The following C1orf74 variants were observed in gnomAD, a reference collection of about 807,000 sequenced individuals.
C1orf74 encodes the protein UPF0739 protein C1orf74.
A neutral mutation model predicts 7.3 loss-of-function variants in C1orf74; 5 were observed. The ratio of observed to expected loss-of-function variants is 0.68; its 90% confidence interval spans 0.36 to 1.44. The LOEUF (loss-of-function observed/expected upper bound fraction) is 1.44. C1orf74 is among the 40% of genes most tolerant of loss of function. C1orf74 has a pLI of 0.04. For missense variants in C1orf74, 291 were observed against 314.3 expected, an observed-to-expected ratio of 0.93 and a Z score of 0.56; for synonymous variants, 121 against 132.5, an observed-to-expected ratio of 0.91 and a Z score of 0.59.
Position 209,780,625 on chromosome 1 carries a change from A to G in C1orf74, c.*2200T>C. On this transcript the variant is annotated 3_prime_UTR_variant, in exon 2 of 2. Transcript: ENST00000294811. The stretch of plus-strand genomic sequence containing the variant: ...AAAGGAGGTGAGAGGGTGACCTGAG[A>G]TAGTGAGGGCTCATTTGCGAAATAG... 1 of 1,542,772 alleles carries G rather than the reference A, an allele frequency of 6.5e-7. No individual in the cohort carries two copies. Among genetic ancestry groups the G allele is most frequent in the Admixed American group, 1.9e-5 (1 of 51,720 alleles).
chr1:209,781,692 TAA>T lies in C1orf74; in HGVS notation c.*1131_*1132del. 2.0e-6 allele frequency: 1 copy of T among 499,258 alleles called. No individual in the cohort carries two copies. The highest frequency in any genetic ancestry group is 3.6e-6 in the Non-Finnish European group (1 of 277,322). The allele number at this position is 499,258 out of a possible 1,614,324, so 30.9% of individuals were successfully genotyped here. ...CCAGAAGGAAAGACTTACTCTTAGC[TAA>T]AGTATGAAAGGGTGTTCTTTTAGCC... On this transcript the variant is annotated 3_prime_UTR_variant, in exon 2 of 2. Transcript: ENST00000294811.
At position 209,781,719 on chromosome 1, in the gene C1orf74, C is replaced by T. The variant is rs1027712140; in HGVS notation, c.*1106G>A. ...AAGTATGAAAGGGTGTTCTTTTAGCCGATGATAAGCATGGTGGCAAGAACA... is the reference window on the plus strand; with the variant it reads ...AAGTATGAAAGGGTGTTCTTTTAGCTGATGATAAGCATGGTGGCAAGAACA... On this transcript the variant is annotated 3_prime_UTR_variant, in exon 2 of 2. Coordinates refer to ENST00000294811, the MANE Select transcript of C1orf74 (RefSeq NM_152485.4). 10 of 474,564 alleles carry T rather than the reference C, an allele frequency of 2.1e-5. No homozygotes were observed. Among genetic ancestry groups the T allele is most frequent in the Middle Eastern group, 5.5e-4 (1 of 1,814 alleles). 29.4% of individuals were successfully genotyped at this position (474,564 alleles called of 1,614,324 possible).
Position 209,779,526 on chromosome 1 carries a change from A to G in C1orf74, c.*3299T>C. 2.7e-6 allele frequency: 2 copies of G among 729,984 alleles called. No homozygotes were observed. Among genetic ancestry groups the G allele is most frequent in the East Asian group, 2.7e-5 (1 of 37,392 alleles). 45.2% of individuals were successfully genotyped at this position (729,984 alleles called of 1,614,324 possible). On this transcript the variant is annotated 3_prime_UTR_variant, in exon 2 of 2. Transcript: ENST00000294811. ...TGTGGGAGCTTTTTAAGGACTGATC[A>G]TTGGCTCTGAGGACACTTCAACTAG...
In C1orf74 at chr1:209,781,340, C is replaced by T; in HGVS notation, c.*1485G>A. 6.3e-7 allele frequency: 1 copy of T among 1,589,984 alleles called. No homozygotes were observed. The highest frequency in any genetic ancestry group is 8.6e-7 in the Non-Finnish European group (1 of 1,159,004). ...CAGTGATGACTTTGGTGATGTTCTC[C>T]CCAGTGCAGAGAACTGCATTCAGAA... On this transcript the variant is annotated 3_prime_UTR_variant, in exon 2 of 2. Transcript: ENST00000294811.
rs766135248 is a variant in C1orf74, at chr1:209,783,087, T to C, written c.548A>G (p.Tyr183Cys). 6.2e-6 allele frequency: 10 copies of C among 1,614,112 alleles called. No individual in the cohort carries two copies. The highest frequency in any genetic ancestry group is 5.0e-5 in the Admixed American group (3 of 60,016). Residue 183 changes from tyrosine (Y) to cysteine (C), a missense_variant, in exon 2 of 2, where the codon TAT becomes TGT. Physicochemically the swap from Tyr to Cys is radical, Grantham distance 194. Coordinates refer to ENST00000294811, the MANE Select transcript of C1orf74 (RefSeq NM_152485.4). ...FGILLGYPVP[Y>C]TFHLNQGDDN... ...ATCTCCCTGGTTCAGGTGAAAGGTA[T>C]AGGGAACAGGATAGCCCAGGAGGAT...
rs777507044 is a variant in C1orf74 at position 209,780,522 on chromosome 1, T to TG, written c.*2302dup. On this transcript the variant is annotated 3_prime_UTR_variant, in exon 2 of 2. Transcript: ENST00000294811. The stretch of plus-strand genomic sequence containing the variant: ...AGTCCTTCCCTAACGAAGTGGAGCC[T>TG]GAGGGTACAGGGAAGGAGAAAGACT... 10 of 1,603,618 alleles carry TG rather than the reference T, an allele frequency of 6.2e-6. No individual in the cohort carries two copies. The highest frequency in any genetic ancestry group is 8.5e-6 in the Non-Finnish European group (10 of 1,174,812).
At position 209,782,131 on chromosome 1, in the gene C1orf74, G is replaced by GACA; in HGVS notation, c.*691_*693dup. 6.2e-7 allele frequency: 1 copy of GACA among 1,614,020 alleles called. No individual in the cohort carries two copies. The highest frequency in any genetic ancestry group is 8.5e-7 in the Non-Finnish European group (1 of 1,179,884). On this transcript the variant is annotated 3_prime_UTR_variant, in exon 2 of 2. Transcript: ENST00000294811. ...ACTGGCAGTGTTCCTGGCCAATAAA[G>GACA]ACAACCTGATGATCTGAATAATTTG...
Position 209,780,699 on chromosome 1 carries a change from TTG to T in C1orf74, c.*2124_*2125del, listed in dbSNP as rs2077758453. Reference sequence around the variant, plus strand: ...AAAAGCAGGGATTTCAAAGTTTAAGTTGTGAGTGGATAACCACAGACATTCAT... The same window carrying T: ...AAAAGCAGGGATTTCAAAGTTTAAGTTGAGTGGATAACCACAGACATTCAT... On this transcript the variant is annotated 3_prime_UTR_variant, in exon 2 of 2. Coordinates refer to ENST00000294811, the MANE Select transcript of C1orf74 (RefSeq NM_152485.4). 5 of 1,231,554 alleles carry T rather than the reference TTG, an allele frequency of 4.1e-6. No individual in the cohort carries two copies. The highest frequency in any genetic ancestry group is 2.2e-6 in the Non-Finnish European group (2 of 926,770). The allele number at this position is 1,231,554 out of a possible 1,614,324, so 76.3% of individuals were successfully genotyped here.
chr1:209,783,225 G>T lies in C1orf74; in HGVS notation c.410C>A (p.Ala137Asp), dbSNP rs751508741. 26 of 1,614,134 alleles carry T rather than the reference G, an allele frequency of 1.6e-5. No individual in the cohort carries two copies. Among genetic ancestry groups the T allele is most frequent in the Non-Finnish European group, 2.2e-5 (26 of 1,180,028 alleles). Residue 137 changes from alanine (A) to aspartate (D), a missense_variant, in exon 2 of 2, where the codon GCC becomes GAC. By Grantham distance (126) the Ala-to-Asp change is moderately radical. Transcript: ENST00000294811. ...ATGTGTGATGATCTCAGCCACGAGG[G>T]CCTTCAAGTCCTGAAGCTGGTCCAG... ...CSLDQLQDLK[A>D]LVAEIITHLQ... is the part of the protein sequence containing the mutation.
Position 209,782,651 on chromosome 1 carries a change from T to C in C1orf74, c.*174A>G, listed in dbSNP as rs2077803201. 1 of 676,974 alleles carries C rather than the reference T, an allele frequency of 1.5e-6. No homozygotes were observed. The allele number at this position is 676,974 out of a possible 1,614,324, so 41.9% of individuals were successfully genotyped here. The stretch of plus-strand genomic sequence containing the variant: ...TATGTACTATCTACCAATTTGCTAC[T>C]AGCACCACCATTACCTATTTACATG... On this transcript the variant is annotated 3_prime_UTR_variant, in exon 2 of 2. Coordinates refer to ENST00000294811, the MANE Select transcript of C1orf74 (RefSeq NM_152485.4).
rs759854681 is a variant in C1orf74 at position 209,782,774 on chromosome 1, C to T, written c.*51G>A. On this transcript the variant is annotated 3_prime_UTR_variant, in exon 2 of 2. Coordinates refer to ENST00000294811, the MANE Select transcript of C1orf74 (RefSeq NM_152485.4). ...TGAGATGATTATTTGCCATCCCCAA[C>T]CTAGAGATGATCATTTACTGAGTAC... is the stretch of plus-strand genomic sequence containing the variant. The T allele has an allele frequency of 1.7e-5, 27 of 1,552,326 alleles. No individual in the cohort carries two copies. Among genetic ancestry groups the T allele is most frequent in the Non-Finnish European group, 2.3e-5 (26 of 1,136,532 alleles).
chr1:209,779,565 T>C lies in C1orf74; in HGVS notation c.*3260A>G, dbSNP rs2102518777. 4.2e-6 allele frequency: 3 copies of C among 714,192 alleles called. No individual in the cohort carries two copies. The highest frequency in any genetic ancestry group is 7.8e-6 in the Non-Finnish European group (3 of 383,768). 44.2% of individuals were successfully genotyped at this position (714,192 alleles called of 1,614,324 possible). ...CACTTCAACTAGTTAGCCTTCTATC[T>C]TGAGGTATATAAACTGTGAAAAAGG... On this transcript the variant is annotated 3_prime_UTR_variant, in exon 2 of 2. Coordinates refer to ENST00000294811, the MANE Select transcript of C1orf74 (RefSeq NM_152485.4).
chr1:209,781,543 C>A lies in C1orf74; in HGVS notation c.*1282G>T. 4.2e-6 allele frequency: 4 copies of A among 956,776 alleles called. No homozygotes were observed. The highest frequency in any genetic ancestry group is 4.1e-5 in the South Asian group (3 of 73,050). 59.3% of individuals were successfully genotyped at this position (956,776 alleles called of 1,614,324 possible). ...AAGTTTTGCACATAAAATATATCAG[C>A]CCACGCCAACAACTGGCCATCCTGT... is the stretch of plus-strand genomic sequence containing the variant. On this transcript the variant is annotated 3_prime_UTR_variant, in exon 2 of 2. Coordinates refer to ENST00000294811, the MANE Select transcript of C1orf74 (RefSeq NM_152485.4).
rs753251883 is a variant in C1orf74, at chr1:209,781,220, TG to T, written c.*1604del. The T allele has an allele frequency of 1.0e-5, 6 of 601,692 alleles. No individual in the cohort carries two copies. Among genetic ancestry groups the T allele is most frequent in the Non-Finnish European group, 1.8e-5 (6 of 328,810 alleles). The allele number at this position is 601,692 out of a possible 1,614,324, so 37.3% of individuals were successfully genotyped here. A position where few individuals can be genotyped will look rare whatever the true frequency, so the allele number is the denominator to read the frequency against. On this transcript the variant is annotated 3_prime_UTR_variant, in exon 2 of 2. Coordinates refer to ENST00000294811, the MANE Select transcript of C1orf74 (RefSeq NM_152485.4). The stretch of plus-strand genomic sequence containing the variant: ...AAAGACAAACTCAAATCCCTGAGAA[TG>T]GCTGGGAAGGGAAGATGGTGGTAAA...
At position 209,779,276 on chromosome 1, in the gene C1orf74, A is replaced by C. The variant is rs1184263722; in HGVS notation, c.*3549T>G. ...CTGAAAAGAAAACTTTTTGTAGTAA[A>C]TATGCTAGCATAGACAAGTTCCTTG... is the stretch of plus-strand genomic sequence containing the variant. On this transcript the variant is annotated 3_prime_UTR_variant, in exon 2 of 2. Coordinates refer to ENST00000294811, the MANE Select transcript of C1orf74 (RefSeq NM_152485.4). The C allele has an allele frequency of 2.8e-5, 44 of 1,586,446 alleles. No individual in the cohort carries two copies. The highest frequency in any genetic ancestry group is 3.5e-5 in the Non-Finnish European group (41 of 1,158,180).
chr1:209,779,423 C>T lies in C1orf74; in HGVS notation c.*3402G>A. The T allele has an allele frequency of 1.3e-6, 2 of 1,538,134 alleles. No individual in the cohort carries two copies. The highest frequency in any genetic ancestry group is 1.8e-6 in the Non-Finnish European group (2 of 1,111,154). On this transcript the variant is annotated 3_prime_UTR_variant, in exon 2 of 2. Coordinates refer to ENST00000294811, the MANE Select transcript of C1orf74 (RefSeq NM_152485.4). ...TTCTAAGATATTGCTCTTCTCTTAC[C>T]TGCCTAGAGGCAGCGGGATGGACTA...
At chr1:209,784,105 C>G (rs2077817013) in intron 1 of C1orf74, among the ~76,000 whole-genome samples, 1 of 152,182 alleles carries the variant, frequency 6.6e-6, no homozygotes, top group Non-Finnish European at 1.5e-5. Context: ...AACTCCCCTA[C>G]TCTTCCCGCC....
At position 209,782,091 on chromosome 1, in the gene C1orf74, G is replaced by A; in HGVS notation, c.*734C>T. The stretch of plus-strand genomic sequence containing the variant: ...GGCGATGGCTCCCAGTGCTGATGGT[G>A]GTGATTGCTGCAGCACTGGCAGTGT... On this transcript the variant is annotated 3_prime_UTR_variant, in exon 2 of 2. Coordinates refer to ENST00000294811, the MANE Select transcript of C1orf74 (RefSeq NM_152485.4). 6.2e-6 allele frequency: 10 copies of A among 1,614,134 alleles called. No homozygotes were observed. Among genetic ancestry groups the A allele is most frequent in the Non-Finnish European group, 8.5e-6 (10 of 1,179,990 alleles).
At position 209,781,693 on chromosome 1, in the gene C1orf74, AAAGT is replaced by A; in HGVS notation, c.*1128_*1131del. 2.0e-6 allele frequency: 1 copy of A among 495,704 alleles called. No individual in the cohort carries two copies. The highest frequency in any genetic ancestry group is 3.6e-6 in the Non-Finnish European group (1 of 275,282). The allele number at this position is 495,704 out of a possible 1,614,324, so 30.7% of individuals were successfully genotyped here. A position where few individuals can be genotyped will look rare whatever the true frequency, so the allele number is the denominator to read the frequency against. ...CAGAAGGAAAGACTTACTCTTAGCT[AAAGT>A]ATGAAAGGGTGTTCTTTTAGCCGAT... On this transcript the variant is annotated 3_prime_UTR_variant, in exon 2 of 2. Transcript: ENST00000294811.
Sources: gnomAD v4.1 joint callset for allele counts (sites outside exome capture counted in the v4.1 genomes callset) on GRCh38, gnomAD v4.1.1 for gene constraint, MANE v1.5 for transcripts, NCBI Gene and HGNC (gene_info 2026-07-23, HGNC 2026-07-21) for gene names.